C9orf85: variants seen among roughly 807,000 people sequenced by gnomAD.
The protein encoded by C9orf85 is uncharacterized protein C9orf85.
A neutral mutation model predicts 14.9 loss-of-function variants in C9orf85; 16 were observed. That is an observed-to-expected ratio of 1.08 (90% CI 0.73 to 1.63). C9orf85 has a LOEUF of 1.63. Among genes scored for constraint, C9orf85 ranks in the 40% most tolerant of loss-of-function variants. The pLI, the probability that C9orf85 is intolerant of heterozygous loss-of-function variation, is 0.00. For synonymous variants in C9orf85, 45 were observed against 56.8 expected (o/e 0.79, Z 0.93); for missense variants, 172 against 186.1 (o/e 0.92, Z 0.44).
intron 1 of C9orf85, among the ~76,000 whole-genome samples, chr9:71,913,013 A>G (rs1046553336): frequency 6.6e-6 from 1 of 152,180 alleles, no homozygotes; most frequent in African/African-American, 2.4e-5. Flanking sequence ...TAAACCTAAT[A>G]TTCACAAAAG....
At chr9:71,923,621 T>G (rs1440207928) in intron 1 of C9orf85, among the ~76,000 whole-genome samples, 2 of 152,168 alleles carry the variant, frequency 1.3e-5, no homozygotes, top group Non-Finnish European at 2.9e-5. Context: ...ACTGTTCTTT[T>G]GCATATACCC....
chr9:71,974,345 G>A (rs1822964435), downstream of C9orf85, among the ~76,000 whole-genome samples: 1 of 151,106 alleles, frequency 6.6e-6, no homozygotes, highest in Non-Finnish European at 1.5e-5. Context: ...CCGGGTTCAA[G>A]TGATTCTCCT....
At chr9:71,923,800 G>T (rs761466196) in intron 1 of C9orf85, among the ~76,000 whole-genome samples, 60 of 151,974 alleles carry the variant, frequency 3.9e-4, no homozygotes, top group Non-Finnish European at 6.9e-4. Flanking sequence ...GAGGCTAGCC[G>T]CTCCACAACA....
intron 1 of C9orf85, among the ~76,000 whole-genome samples, chr9:71,925,697 G>C (rs1265316644): frequency 6.6e-6 from 1 of 152,088 alleles, no homozygotes; most frequent in Non-Finnish European, 1.5e-5. Context: ...TCTGATAAAG[G>C]CCAGATTATC....
rs1456241171 is a variant in C9orf85, at chr9:71,947,000, T to C, written c.103-6T>C. 2.5e-6 allele frequency: 4 copies of C among 1,604,810 alleles called. No individual in the cohort carries two copies. In the African/African-American group the frequency reaches 5.4e-5, roughly 21 times the overall value. On this transcript the variant is annotated splice_region_variant and splice_polypyrimidine_tract_variant and intron_variant, in intron 1 of 3. Coordinates refer to ENST00000334731, the MANE Select transcript of C9orf85 (RefSeq NM_182505.5). The stretch of plus-strand genomic sequence containing the variant: ...TTCTCAATTTGTCTTTCTGTTTGTT[T>C]TTAAGAAAATTAATGCAAAACTTCA...
chr9:71,939,713 C>T (rs1041280884), intron 1 of C9orf85, among the ~76,000 whole-genome samples: 2 of 152,056 alleles, frequency 1.3e-5, no homozygotes, highest in Admixed American at 6.6e-5. Flanking sequence ...TCAAGACTTA[C>T]CATAAAGCTA....
intron 1 of C9orf85, among the ~76,000 whole-genome samples, chr9:71,919,582 A>G (rs1322176158): frequency 6.6e-6 from 1 of 152,188 alleles, no homozygotes; most frequent in Non-Finnish European, 1.5e-5. Flanking sequence ...TTTTAAATTT[A>G]ACATATTTTT....
chr9:71,928,186 CAAAAAAAAAAAAAAAAAAAA>C (rs58238164), intron 1 of C9orf85, among the ~76,000 whole-genome samples: 9 of 74,286 alleles, frequency 1.2e-4, no homozygotes, highest in Non-Finnish European at 2.3e-4. Flanking sequence ...GGCTCTGTCT[CAAAAAAAAAAAAAAAAAAAA>C]AAAAAAAAAG....
At position 71,964,673 on chromosome 9, in the gene C9orf85, G is replaced by A. The variant is rs142946853; in HGVS notation, c.210-6832G>A. 7.0e-3 allele frequency among the ~76,000 whole-genome samples: 1,065 copies of A among 152,198 alleles called. 11 individuals carry two copies. The highest frequency in any genetic ancestry group is 0.024 in the African/African-American group (982 of 41,520). On this transcript the variant is annotated intron_variant, in intron 2 of 3. Coordinates refer to ENST00000334731, the MANE Select transcript of C9orf85 (RefSeq NM_182505.5). ...GCCTTTAAGAACTGTAACACTCACC[G>A]CGAGGGTCCATGGCTTCATTCTTGA...
intron 2 of C9orf85, among the ~76,000 whole-genome samples, chr9:71,971,226 G>T (rs1589274129): frequency 6.6e-6 from 1 of 152,180 alleles, no homozygotes; most frequent in African/African-American, 2.4e-5. Flanking sequence ...TAGAAATACA[G>T]TTGAGTTTTG....
chr9:71,954,722 T>C (rs1822340628), intron 2 of C9orf85, among the ~76,000 whole-genome samples: 1 of 152,162 alleles, frequency 6.6e-6, no homozygotes, highest in African/African-American at 2.4e-5. Flanking sequence ...TGCAACCTGT[T>C]TTATCAGCAG....
intron 2 of C9orf85, among the ~76,000 whole-genome samples, chr9:71,966,358 G>A (rs1454406393): frequency 1.3e-5 from 2 of 152,020 alleles, no homozygotes; most frequent in South Asian, 2.1e-4. Context: ...ATGAAAAGAA[G>A]GCAAAACTAT....
chr9:71,959,973 T>C (rs188092759), intron 2 of C9orf85, among the ~76,000 whole-genome samples: 2 of 152,304 alleles, frequency 1.3e-5, no homozygotes, highest in South Asian at 2.1e-4. Flanking sequence ...CAAAAGAAGA[T>C]AGCAAATGAA....
At chr9:71,957,940 C>G (rs1027425808) in intron 2 of C9orf85, among the ~76,000 whole-genome samples, 1 of 152,028 alleles carries the variant, frequency 6.6e-6, no homozygotes, top group Admixed American at 6.6e-5. Flanking sequence ...ATTATAGAAC[C>G]TTTACTGGTA....
intron 1 of C9orf85, among the ~76,000 whole-genome samples, chr9:71,920,563 A>G (rs192232456): frequency 3.2e-3 from 486 of 152,252 alleles, no homozygotes; most frequent in African/African-American, 0.011. Flanking sequence ...GAGAGTTACA[A>G]GCTGTGGCAT....
intron 1 of C9orf85, among the ~76,000 whole-genome samples, chr9:71,927,328 G>A (rs931801287): frequency 2.7e-5 from 4 of 150,510 alleles, no homozygotes; most frequent in East Asian, 1.9e-4. Flanking sequence ...AAAGATGCGA[G>A]AGAAGAAACT....
intron 1 of C9orf85, among the ~76,000 whole-genome samples, chr9:71,918,821 T>C (rs1827720997): frequency 6.6e-6 from 1 of 152,194 alleles, no homozygotes; most frequent in South Asian, 2.1e-4. Flanking sequence ...TTCTACATTA[T>C]GGTTGTATAA....
chr9:71,977,911 G>A (rs576056322), downstream of C9orf85, among the ~76,000 whole-genome samples: 1 of 152,116 alleles, frequency 6.6e-6, no homozygotes, highest in East Asian at 1.9e-4. Context: ...CATACCTACT[G>A]AAAAAAATCA....
intron 1 of C9orf85, among the ~76,000 whole-genome samples, chr9:71,938,231 T>C (rs1480546770): frequency 6.6e-6 from 1 of 152,042 alleles, no homozygotes; most frequent in Non-Finnish European, 1.5e-5. Context: ...AGTAAGTTGA[T>C]TATAGCAAGA....
Sources: gnomAD v4.1 joint callset for allele counts (sites outside exome capture counted in the v4.1 genomes callset) on GRCh38, gnomAD v4.1.1 for gene constraint, MANE v1.5 for transcripts, NCBI Gene and HGNC (gene_info 2026-07-23, HGNC 2026-07-21) for gene names.